The following GPC5 variants were observed in gnomAD, a reference collection of about 807,000 sequenced individuals.
The protein encoded by GPC5 is glypican 5.
GPC5 carries 47 observed loss-of-function variants against 53.9 expected under a neutral mutation model. The observed-to-expected ratio is 0.87, with a 90% CI of 0.69 to 1.11. The LOEUF (loss-of-function observed/expected upper bound fraction) is 1.11, where lower values mean the gene tolerates loss of function less well. Ranked by LOEUF, GPC5 falls within the 50% of genes most tolerant of loss-of-function variation. The pLI is 0.00. For synonymous variants in GPC5, 286 were observed against 263.3 expected (o/e 1.09, Z -0.84); for missense variants, 748 against 713.1 (o/e 1.05, Z -0.56).
At chr13:91,858,136 A>T (rs550184703) in intron 5 of GPC5, among the ~76,000 whole-genome samples, 1 of 151,730 alleles carries the variant, frequency 6.6e-6, no homozygotes, top group Non-Finnish European at 1.5e-5. Flanking sequence ...TCCAATTTGC[A>T]TGTCCCTTTA....
chr13:92,639,971 TTTC>T (rs1885534627), intron 7 of GPC5, among the ~76,000 whole-genome samples: 1 of 151,444 alleles, frequency 6.6e-6, no homozygotes, highest in African/African-American at 2.4e-5. Flanking sequence ...GATTTTTTTT[TTTC>T]TCTCTCTCTC....
chr13:92,382,289 T>C (rs895126525), intron 7 of GPC5, among the ~76,000 whole-genome samples: 8 of 151,772 alleles, frequency 5.3e-5, no homozygotes, highest in African/African-American at 1.5e-4. Context: ...CGGTGATGGG[T>C]GCGCCAAAAT....
At chr13:91,670,339 G>A (rs1028084601) in intron 2 of GPC5, among the ~76,000 whole-genome samples, 54 of 152,236 alleles carry the variant, frequency 3.5e-4, no homozygotes, top group South Asian at 4.1e-4. Flanking sequence ...AGTCTACTGC[G>A]ATAAACAGGG....
At chr13:91,984,065 C>T (rs555517364) in intron 6 of GPC5, among the ~76,000 whole-genome samples, 191 of 151,726 alleles carry the variant, frequency 1.3e-3, no homozygotes, top group Non-Finnish European at 2.1e-3. Flanking sequence ...GTGCTCCACC[C>T]GAACAACATA....
intron 7 of GPC5, among the ~76,000 whole-genome samples, chr13:92,633,546 T>C (rs1566332928): frequency 6.6e-6 from 1 of 152,180 alleles, no homozygotes; most frequent in Non-Finnish European, 1.5e-5. Context: ...TTTTATTTTC[T>C]AATTGGCTAC....
At chr13:91,678,530 A>G (rs2035434984) in intron 2 of GPC5, among the ~76,000 whole-genome samples, 2 of 152,206 alleles carry the variant, frequency 1.3e-5, no homozygotes, top group Admixed American at 6.5e-5. Flanking sequence ...ATGCTTCATT[A>G]GTCGTTCATA....
intron 7 of GPC5, among the ~76,000 whole-genome samples, chr13:92,423,393 A>G (rs1450293256): frequency 6.6e-6 from 1 of 152,180 alleles, no homozygotes; most frequent in African/African-American, 2.4e-5. Flanking sequence ...TAATTTATTT[A>G]ATTTCTTATT....
At chr13:92,710,844 A>G (rs1021305773) in intron 7 of GPC5, among the ~76,000 whole-genome samples, 2 of 152,210 alleles carry the variant, frequency 1.3e-5, no homozygotes, top group African/African-American at 2.4e-5. Context: ...ACACCTAATG[A>G]TATCCTAGGA....
At chr13:92,318,829 A>G (rs967305965) in intron 7 of GPC5, among the ~76,000 whole-genome samples, 4 of 152,238 alleles carry the variant, frequency 2.6e-5, no homozygotes, top group African/African-American at 9.6e-5. Context: ...TAATCTCTGA[A>G]ATATTTGAAT....
chr13:92,855,879 C>T (rs1198745628), intron 7 of GPC5, among the ~76,000 whole-genome samples: 2 of 151,798 alleles, frequency 1.3e-5, no homozygotes, highest in Non-Finnish European at 2.9e-5. Context: ...ACTCTATGAA[C>T]CAAAAAAAGC....
chr13:92,858,513 A>G (rs1031910268), intron 7 of GPC5, among the ~76,000 whole-genome samples: 1 of 152,190 alleles, frequency 6.6e-6, no homozygotes, highest in African/African-American at 2.4e-5. Flanking sequence ...TTGCAGCAAC[A>G]TGGATGCAGC....
chr13:92,461,102 T>A (rs1316382425), intron 7 of GPC5, among the ~76,000 whole-genome samples: 2 of 151,828 alleles, frequency 1.3e-5, no homozygotes, highest in Admixed American at 6.6e-5. Context: ...ATCAGGAGAA[T>A]AAAAAATAAA....
chr13:91,443,332 C>T (rs1436903599), intron 1 of GPC5, among the ~76,000 whole-genome samples: 1 of 152,132 alleles, frequency 6.6e-6, no homozygotes, highest in Non-Finnish European at 1.5e-5. Flanking sequence ...TCTGCATGCA[C>T]AGAGAAATGG....
intron 7 of GPC5, among the ~76,000 whole-genome samples, chr13:92,495,657 T>C (rs1879949340): frequency 6.6e-6 from 1 of 150,676 alleles, no homozygotes; most frequent in Non-Finnish European, 1.5e-5. Flanking sequence ...CAGAGATAAG[T>C]AACAGATTCT....
chr13:91,964,377 C>T (rs1052302679), intron 6 of GPC5, among the ~76,000 whole-genome samples: 2 of 152,162 alleles, frequency 1.3e-5, no homozygotes, highest in Non-Finnish European at 2.9e-5. Flanking sequence ...GTCCATTTTA[C>T]AGGGAGTTGA....
intron 5 of GPC5, among the ~76,000 whole-genome samples, chr13:91,795,574 T>G (rs921512934): frequency 3.9e-5 from 6 of 152,238 alleles, no homozygotes; most frequent in African/African-American, 1.4e-4. Context: ...CATGTTTGAT[T>G]ACAATATGTT....
chr13:92,458,488 G>T (rs1357630324), intron 7 of GPC5, among the ~76,000 whole-genome samples: 2 of 151,922 alleles, frequency 1.3e-5, no homozygotes, highest in Non-Finnish European at 2.9e-5. Flanking sequence ...TAGTAGAGAC[G>T]GGGTTTCACC....
In GPC5 at chr13:92,628,264, C is replaced by CTTTTTTTTTTTTTTTTTTTTTTT. The variant is rs71123419; in HGVS notation, c.1562-238011_1562-237989dup. Among the ~76,000 whole-genome samples the CTTTTTTTTTTTTTTTTTTTTTTT allele has an allele frequency of 4.7e-3, 211 of 45,364 alleles. 52 individuals carry two copies. The highest frequency in any genetic ancestry group is 5.9e-3 in the Non-Finnish European group (137 of 23,126). The allele number at this position is 45,364 out of a possible 152,430, so 29.8% of individuals were successfully genotyped here. A position where few individuals can be genotyped will look rare whatever the true frequency, so the allele number is the denominator to read the frequency against. On this transcript the variant is annotated intron_variant, in intron 7 of 7. Coordinates refer to ENST00000377067, the MANE Select transcript of GPC5 (RefSeq NM_004466.6). ...TTTTCTTTTCTTTTTCTTTTTCTTT[C>CTTTTTTTTTTTTTTTTTTTTTTT]TTTTTTTTTTTTTTTTTTTTTTTTT...
At position 91,398,974 on chromosome 13, in the gene GPC5, C is replaced by A; in HGVS notation, c.-73C>A. ...AGAGCCTCGGCCGCTGTGTCTTCCA[C>A]GTCTGCAGCTCAGCCAGGGCGCGCA... On this transcript the variant is annotated 5_prime_UTR_variant, in exon 1 of 8. Coordinates refer to ENST00000377067, the MANE Select transcript of GPC5 (RefSeq NM_004466.6). The A allele has an allele frequency of 3.4e-6, 5 of 1,491,696 alleles. No homozygotes were observed. The highest frequency in any genetic ancestry group is 3.6e-6 in the Non-Finnish European group (4 of 1,113,942). 92.4% of individuals were successfully genotyped at this position (1,491,696 alleles called of 1,614,324 possible).
Sources: allele counts gnomAD v4.1 joint callset (sites outside exome capture counted in the v4.1 genomes callset), GRCh38; gene constraint gnomAD v4.1.1; transcripts MANE v1.5; gene names NCBI Gene and HGNC (gene_info 2026-07-23, HGNC 2026-07-21).